The following CES4A variants were observed in gnomAD, a reference collection of about 807,000 sequenced individuals.
CES4A encodes the protein carboxylesterase 6.
CES4A carries 48 observed loss-of-function variants against 65.4 expected under a neutral mutation model. The ratio of observed to expected loss-of-function variants is 0.73; its 90% CI spans 0.58 to 0.93. The LOEUF (loss-of-function observed/expected upper bound fraction) is 0.93, where lower values mean the gene tolerates loss of function less well. Among genes scored for constraint, CES4A ranks in the 40% least tolerant of loss-of-function variants. CES4A has a pLI of 0.00. For missense variants in CES4A, 685 were observed against 728.5 expected (o/e 0.94, Z 0.69); for synonymous variants, 247 against 281.8 (o/e 0.88, Z 1.24).
intron 5 of CES4A, 91 bp from the exon 6 acceptor site, chr16:67,002,979 G>C: frequency 9.1e-7 from 1 of 1,100,684 alleles, no homozygotes; most frequent in Non-Finnish European, 1.4e-6. Context: ...GCTTCACTCA[G>C]GCTGCCTGCC....
In CES4A at chr16:67,000,588, T is replaced by C. The variant is rs1668779196; in HGVS notation, c.261-50T>C. Reference sequence around the variant, plus strand: ...GGTTCCGTCTTCTCACTGCGGACCCTGGATTGAAACGATCTCCCCGCGGCC... The same window carrying C: ...GGTTCCGTCTTCTCACTGCGGACCCCGGATTGAAACGATCTCCCCGCGGCC... On this transcript the variant is annotated intron_variant, in intron 2 of 13. Transcript: ENST00000648724. This position sits in a 1 kb window ranked among gnomAD's most constrained non-coding sequence, Gnocchi z 4.2. 6.6e-7 allele frequency: 1 copy of C among 1,516,858 alleles called. No individual in the cohort carries two copies. The highest frequency in any genetic ancestry group is 2.2e-5 in the Admixed American group (1 of 46,048). The allele number at this position is 1,516,858 out of a possible 1,614,324, so 94.0% of individuals were successfully genotyped here. A position where few individuals can be genotyped will look rare whatever the true frequency, so the allele number is the denominator to read the frequency against.
At chr16:67,007,390 C>T (rs2145672221) in intron 13 of CES4A, 1 of 152,248 alleles carries the variant, frequency 6.6e-6, no homozygotes, top group East Asian at 1.9e-4. Flanking sequence ...ATTCTCCCAC[C>T]TCGGCCTCCT....
chr16:67,006,041 G>C (rs981788594), intron 11 of CES4A: 11 of 246,256 alleles, frequency 4.5e-5, no homozygotes, highest in Admixed American at 2.8e-4. Context: ...GTTAAAGGGG[G>C]GGGGGCTGGA....
chr16:66,995,077 C>A (rs920585562), intron 1 of CES4A, among the ~76,000 whole-genome samples: 1 of 151,124 alleles, frequency 6.6e-6, no homozygotes, highest in African/African-American at 2.4e-5. Context: ...TTTGGGAGGC[C>A]AAGGCGGGCA....
intron 2 of CES4A, chr16:66,996,326 C>A (rs990624605): frequency 1.3e-5 from 4 of 298,588 alleles, no homozygotes; most frequent in East Asian, 1.1e-4. Flanking sequence ...TGAGCCACTG[C>A]GCCTAGACTT....
In CES4A at chr16:67,003,956, A is replaced by C. The variant is rs866889425; in HGVS notation, c.940-128A>C. On this transcript the variant is annotated intron_variant, in intron 8 of 13. Transcript: ENST00000648724. This position sits in a 1 kb window ranked among gnomAD's most constrained non-coding sequence, Gnocchi z 4.2. ...CACACCCATCCTCCTGGGGCTCACC[A>C]TGCCAGCCCCAGCCTTTTCCCAATC... 1.0e-5 allele frequency: 10 copies of C among 991,602 alleles called. No homozygotes were observed. The highest frequency in any genetic ancestry group is 1.5e-5 in the Non-Finnish European group (10 of 650,266). 61.4% of individuals were successfully genotyped at this position (991,602 alleles called of 1,614,324 possible). A position where few individuals can be genotyped will look rare whatever the true frequency, so the allele number is the denominator to read the frequency against.
chr16:66,990,297 C>T (rs1229434533), intron 1 of CES4A, among the ~76,000 whole-genome samples: 1 of 152,196 alleles, frequency 6.6e-6, no homozygotes, highest in Non-Finnish European at 1.5e-5. Context: ...AGATGATCCA[C>T]CTGCCTCGGC....
chr16:66,993,852 A>G (rs1964589273), intron 1 of CES4A, among the ~76,000 whole-genome samples: 1 of 152,084 alleles, frequency 6.6e-6, no homozygotes, highest in East Asian at 2.0e-4. Flanking sequence ...CTGTAATCCC[A>G]GCAGTTTGGG....
At chr16:66,989,689 C>T (rs1964222043) in intron 1 of CES4A, among the ~76,000 whole-genome samples, 1 of 152,040 alleles carries the variant, frequency 6.6e-6, no homozygotes, top group African/African-American at 2.4e-5. Context: ...TACCCCGTCT[C>T]TACTAAAAAT....
At chr16:67,004,716 G>A in intron 9 of CES4A, 77 bp from the exon 10 acceptor site, 1 of 1,166,670 alleles carries the variant, frequency 8.6e-7, no homozygotes. Context: ...AAGACCTTTG[G>A]GGCCTTTGTA....
chr16:67,004,955 C>T, intron 10 of CES4A, 82 bp downstream of exon 10: 1 of 1,090,818 alleles, frequency 9.2e-7, no homozygotes, highest in Admixed American at 2.0e-5. Context: ...CTGCTCTTTG[C>T]AAAGGGGCTC....
At chr16:67,008,390 CTCTTT>C in intron 13 of CES4A, 1 of 152,278 alleles carries the variant, frequency 6.6e-6, no homozygotes, top group Non-Finnish European at 1.5e-5. Context: ...TTCACACACT[CTCTTT>C]TTTTTTTGTT....
chr16:66,996,087 G>C, intron 2 of CES4A: 1 of 578,824 alleles, frequency 1.7e-6, no homozygotes, highest in Non-Finnish European at 3.2e-6. Context: ...CGCCAGGCTG[G>C]AGTGCAGTGG....
chr16:67,005,294 A>T, exon 11 of CES4A: 2 of 1,614,114 alleles, frequency 1.2e-6, no homozygotes, highest in Non-Finnish European at 1.7e-6. Context: ...GGACAATGTC[A>T]ATGAGCATGA....
intron 9 of CES4A, 22 bp downstream of exon 9, chr16:67,004,246 T>C: frequency 6.2e-7 from 1 of 1,613,794 alleles, no homozygotes; most frequent in South Asian, 1.1e-5. Flanking sequence ...GGAGTTCAAT[T>C]GGCTCTTGCC....
chr16:67,003,262 G>T lies in CES4A; in HGVS notation c.802G>T (p.Ala268Ser). The change falls in exon 7 of 14, where the codon GCC becomes TCC. Residue 268 changes from alanine to serine, a missense_variant. Physicochemically the swap from Ala to Ser is moderately conservative, Grantham distance 99. Transcript: ENST00000648724. The surrounding 1 kb of genome is among the most constrained non-coding windows in gnomAD (Gnocchi z 4.2). ...TCCTTTCTTCTCTCTATAGAAGGTT[G>T]CCCACCTGGCTGGATGCAACCACAA... 6.2e-7 allele frequency: 1 copy of T among 1,614,138 alleles called. No individual in the cohort carries two copies. Among genetic ancestry groups the T allele is most frequent in the Non-Finnish European group, 8.5e-7 (1 of 1,180,000 alleles).
chr16:67,001,637 T>C lies in CES4A; in HGVS notation c.690+176T>C, dbSNP rs1298546072. ...CTCATAGCCAAGGATGTCTCCTCTG[T>C]TGAGGGATAGCACTGATGAGAAAAC... On this transcript the variant is annotated intron_variant, in intron 5 of 13. Transcript: ENST00000648724. The surrounding 1 kb of genome is among the most constrained non-coding windows in gnomAD (Gnocchi z 4.1). Among the ~76,000 whole-genome samples, 3 of 152,218 alleles carry C rather than the reference T, an allele frequency of 2.0e-5. No homozygotes were observed. Among genetic ancestry groups the C allele is most frequent in the African/African-American group, 7.2e-5 (3 of 41,458 alleles).
chr16:66,988,687 CTG>C (rs1180182062), exon 1 of CES4A: 21 of 1,547,564 alleles, frequency 1.4e-5, no homozygotes, highest in Non-Finnish European at 1.8e-5. Context: ...TGCTCACACA[CTG>C]TAGACACGGC....
At chr16:66,991,477 C>G (rs1051006413) in intron 1 of CES4A, among the ~76,000 whole-genome samples, 2 of 152,202 alleles carry the variant, frequency 1.3e-5, no homozygotes, top group Admixed American at 1.3e-4. Context: ...TTTATTAGGT[C>G]TAAGTTGTAA....
Sources: allele counts gnomAD v4.1 joint callset (sites outside exome capture counted in the v4.1 genomes callset), GRCh38; gene constraint gnomAD v4.1.1; non-coding constraint Gnocchi (gnomAD v3.1); transcripts MANE v1.5; gene names NCBI Gene and HGNC (gene_info 2026-07-23, HGNC 2026-07-21).